The following RDH14 variants were observed in gnomAD, a reference collection of about 807,000 sequenced individuals.
RDH14 encodes the protein alcohol dehydrogenase PAN2.
RDH14 carries 17 observed loss-of-function variants against 19.3 expected under a neutral mutation model. The ratio of observed to expected loss-of-function variants is 0.88; its 90% CI spans 0.60 to 1.32. RDH14 has a LOEUF of 1.32. Ranked by LOEUF, RDH14 falls within the 40% of genes most tolerant of loss-of-function variation. The pLI is 0.00. For missense variants in RDH14, 534 were observed against 449.2 expected, an observed-to-expected ratio of 1.19 and a Z score of -1.71; for synonymous variants, 215 against 188.9, an observed-to-expected ratio of 1.14 and a Z score of -1.13.
intron 1 of RDH14, among the ~76,000 whole-genome samples, chr2:18,558,140 C>T (rs1663975483): frequency 6.6e-6 from 1 of 152,118 alleles, no homozygotes; most frequent in East Asian, 1.9e-4. Flanking sequence ...CAGCTGTTAG[C>T]AGTTGCTGTA....
At chr2:18,556,948 G>C (rs1235578555) in intron 1 of RDH14, among the ~76,000 whole-genome samples, 4 of 152,050 alleles carry the variant, frequency 2.6e-5, no homozygotes, top group African/African-American at 4.8e-5. Flanking sequence ...TAACACTGGA[G>C]AGAACATCAT....
rs946487362 is a variant in RDH14 at position 18,560,465 on chromosome 2, C to T, written c.108G>A (p.Gly36=). Residue 36 remains glycine (G), a synonymous_variant, in exon 1 of 2, where the codon GGG becomes GGA. Coordinates refer to ENST00000381249, the MANE Select transcript of RDH14 (RefSeq NM_020905.4). ...GPRVQRLRRG[G]DPGLMHGKTV... ...TCTTCCCGTGCATGAGGCCGGGGTC[C>T]CCGCCTCTGCGCAGCCGCTGGACCC... 43 of 1,514,138 alleles carry T rather than the reference C, an allele frequency of 2.8e-5. No homozygotes were observed. The African/African-American group carries it at 5.7e-4, about 20-fold the overall frequency. 93.8% of individuals were successfully genotyped at this position (1,514,138 alleles called of 1,614,324 possible). A position where few individuals can be genotyped will look rare whatever the true frequency, so the allele number is the denominator to read the frequency against.
At chr2:18,558,148 G>A (rs1305798673) in intron 1 of RDH14, among the ~76,000 whole-genome samples, 2 of 152,122 alleles carry the variant, frequency 1.3e-5, no homozygotes, top group East Asian at 3.8e-4. Flanking sequence ...AGCAGTTGCT[G>A]TAATAAAAAA....
chr2:18,558,929 C>G (rs1227622585), intron 1 of RDH14, among the ~76,000 whole-genome samples: 2 of 152,210 alleles, frequency 1.3e-5, no homozygotes, highest in African/African-American at 4.8e-5. Context: ...ATTGATGTCT[C>G]ATGTCTCCCT....
At chr2:18,555,915 A>G (rs950372547) in intron 1 of RDH14, 107 bp from the exon 2 acceptor site, 25 of 1,478,328 alleles carry the variant, frequency 1.7e-5, no homozygotes, top group Non-Finnish European at 1.9e-5. Context: ...ACTTGAGACT[A>G]AAAGCATTTA....
chr2:18,559,921 T>C (rs1664043435), intron 1 of RDH14, among the ~76,000 whole-genome samples: 1 of 152,112 alleles, frequency 6.6e-6, no homozygotes, highest in Non-Finnish European at 1.5e-5. Context: ...GGTTTATTTA[T>C]TTTTCTCTTG....
intron 1 of RDH14, among the ~76,000 whole-genome samples, chr2:18,559,785 C>A (rs1051858986): frequency 4.6e-5 from 7 of 152,228 alleles, no homozygotes; most frequent in Admixed American, 2.0e-4. Flanking sequence ...CAACTTCCCC[C>A]AGTGCTCAGG....
At chr2:18,558,588 C>A (rs954036187) in intron 1 of RDH14, among the ~76,000 whole-genome samples, 4 of 152,200 alleles carry the variant, frequency 2.6e-5, no homozygotes, top group African/African-American at 7.2e-5. Context: ...TTCACCCTGG[C>A]AATGTATTCA....
Position 18,555,732 on chromosome 2 carries a change from A to G in RDH14, c.470T>C (p.Phe157Ser). 6.2e-7 allele frequency: 1 copy of G among 1,614,036 alleles called. No individual in the cohort carries two copies. Among genetic ancestry groups the G allele is most frequent in the African/African-American group, 1.3e-5 (1 of 75,036 alleles). Residue 157 changes from phenylalanine (F) to serine (S), a missense_variant, in exon 2 of 2, where the codon TTT (phenylalanine) becomes TCT (serine). Physicochemically the swap from Phe to Ser is radical, Grantham distance 155. Coordinates refer to ENST00000381249, the MANE Select transcript of RDH14 (RefSeq NM_020905.4). ...ATGGTTCACTCCGAACTGCATCTCA[A>G]ACCCATCTTCAGTCTTCATGTAAGG... is the stretch of plus-strand genomic sequence containing the variant. Reference protein sequence around the residue: ...QCPYMKTEDGFEMQFGVNHLG... With the variant: ...QCPYMKTEDGSEMQFGVNHLG...
intron 1 of RDH14, among the ~76,000 whole-genome samples, chr2:18,557,920 C>A (rs1007374417): frequency 2.6e-5 from 4 of 152,196 alleles, no homozygotes; most frequent in Non-Finnish European, 5.9e-5. Context: ...AAAACCAACT[C>A]TCTAGTTCTG....
In RDH14 at chr2:18,555,339, T is replaced by C. The variant is rs763790575; in HGVS notation, c.863A>G (p.Tyr288Cys). ...TPVEGAQTSI[Y>C]LASSPEVEGV... ...TTCTACCTCAGGTGAAGAGGCCAAA[T>C]AAATGGAAGTCTGGGCACCTTCTAC... is the stretch of plus-strand genomic sequence containing the variant. The change falls in exon 2 of 2, where the codon TAT (tyrosine) becomes TGT (cysteine). Residue 288 changes from tyrosine (Y) to cysteine (C), a missense_variant. By Grantham distance (194) the Tyr-to-Cys change is radical (BLOSUM62 -2). Coordinates refer to ENST00000381249, the MANE Select transcript of RDH14 (RefSeq NM_020905.4). 3.1e-6 allele frequency: 5 copies of C among 1,614,082 alleles called. No homozygotes were observed. Among genetic ancestry groups the C allele is most frequent in the Non-Finnish European group, 4.2e-6 (5 of 1,179,968 alleles).
Position 18,555,448 on chromosome 2 carries a change from T to C in RDH14, c.754A>G (p.Thr252Ala). Reference protein sequence around the residue: ...VNVLHPGIVRTNLGRHIHIPL... With the variant: ...VNVLHPGIVRANLGRHIHIPL... The stretch of plus-strand genomic sequence containing the variant: ...ATGTGTATGTGCCTCCCCAGATTTG[T>C]CCGTACAATACCAGGATGCAACACA... Residue 252 changes from threonine to alanine, a missense_variant, in exon 2 of 2, where the codon ACA (threonine) becomes GCA (alanine). Physicochemically the swap from Thr to Ala is moderately conservative, Grantham distance 58. Coordinates refer to ENST00000381249, the MANE Select transcript of RDH14 (RefSeq NM_020905.4). 6.2e-7 allele frequency: 1 copy of C among 1,614,172 alleles called. No homozygotes were observed. Among genetic ancestry groups the C allele is most frequent in the Non-Finnish European group, 8.5e-7 (1 of 1,180,004 alleles).
At chr2:18,555,931 A>G (rs927411964) in intron 1 of RDH14, 123 bp from the exon 2 acceptor site, 3 of 1,454,348 alleles carry the variant, frequency 2.1e-6, no homozygotes, top group Non-Finnish European at 2.7e-6. Flanking sequence ...ATTTAATTTC[A>G]GTTGTTGGTC....
chr2:18,559,636 T>C (rs1664028487), intron 1 of RDH14, among the ~76,000 whole-genome samples: 1 of 152,184 alleles, frequency 6.6e-6, no homozygotes, highest in African/African-American at 2.4e-5. Flanking sequence ...TGTATTCTAC[T>C]TGGAAATCAG....
chr2:18,560,527 C>T lies in RDH14; in HGVS notation c.46G>A (p.Ala16Thr), dbSNP rs1331633645. 2.7e-6 allele frequency: 4 copies of T among 1,509,352 alleles called. No homozygotes were observed. The highest frequency in any genetic ancestry group is 3.5e-6 in the Non-Finnish European group (4 of 1,137,050). 93.5% of individuals were successfully genotyped at this position (1,509,352 alleles called of 1,614,324 possible). The change falls in exon 1 of 2, where the codon GCG becomes ACG. Residue 16 changes from alanine to threonine, a missense_variant. Physicochemically the swap from Ala to Thr is moderately conservative, Grantham distance 58 (BLOSUM62 0). Coordinates refer to ENST00000381249, the MANE Select transcript of RDH14 (RefSeq NM_020905.4). ...AACCGGCGGGCCGCCAGCCACAGCG[C>T]CCCGCCCAGAGCGGCCAGTACTGCC... ...AAAVLAALGGALWLAARRFVG... is the reference protein window; with the variant it reads ...AAAVLAALGGTLWLAARRFVG...
At chr2:18,559,974 C>T (rs1664046171) in intron 1 of RDH14, among the ~76,000 whole-genome samples, 1 of 152,134 alleles carries the variant, frequency 6.6e-6, no homozygotes, top group African/African-American at 2.4e-5. Context: ...AGAAGGCAGC[C>T]CTCCCAGTTA....
Position 18,555,295 on chromosome 2 carries a change from A to G in RDH14, c.907T>C (p.Phe303Leu), listed in dbSNP as rs769486672. 5.0e-6 allele frequency: 8 copies of G among 1,614,008 alleles called. No homozygotes were observed. Among genetic ancestry groups the G allele is most frequent in the South Asian group, 1.1e-5 (1 of 91,084 alleles). ...PEVEGVSGRY[F>L]GDCKEEELLP... ...AGTTCTTCCTCTTTACAATCCCCAA[A>G]GTATCTTCCTGACACTCCTTCTACC... Residue 303 changes from phenylalanine (F) to leucine (L), a missense_variant, in exon 2 of 2, where the codon TTT (phenylalanine) becomes CTT (leucine). Transcript: ENST00000381249.
rs774752026 is a variant in RDH14 at position 18,555,147 on chromosome 2, T to A, written c.*44A>T. On this transcript the variant is annotated 3_prime_UTR_variant, in exon 2 of 2. Transcript: ENST00000381249. ...TCCACACCATTCCTGATCACAGATA[T>A]AACTGATATGCAGTTTTATAAACAG... 2 of 1,587,680 alleles carry A rather than the reference T, an allele frequency of 1.3e-6. No individual in the cohort carries two copies. Among genetic ancestry groups the A allele is most frequent in the Admixed American group, 1.7e-5 (1 of 57,492 alleles).
At chr2:18,556,944 T>G (rs1663938355) in intron 1 of RDH14, among the ~76,000 whole-genome samples, 1 of 151,984 alleles carries the variant, frequency 6.6e-6, no homozygotes, top group Non-Finnish European at 1.5e-5. Context: ...AACTTAACAC[T>G]GGAGAGAACA....
Sources: gnomAD v4.1 joint callset for allele counts (sites outside exome capture counted in the v4.1 genomes callset) on GRCh38, gnomAD v4.1.1 for gene constraint, MANE v1.5 for transcripts, NCBI Gene and HGNC (gene_info 2026-07-23, HGNC 2026-07-21) for gene names.